KCNQ3: variants seen among roughly 807,000 people sequenced by gnomAD.
KCNQ3 encodes potassium voltage-gated channel subfamily Q member 3.
A neutral mutation model predicts 92.5 loss-of-function variants in KCNQ3; 30 were observed. That is an observed-to-expected ratio of 0.32 (90% confidence interval 0.24 to 0.44). The LOEUF (loss-of-function observed/expected upper bound fraction) is 0.44, where lower values mean the gene tolerates loss of function less well. Ranked by LOEUF, KCNQ3 falls within the 20% of genes least tolerant of loss-of-function variation. The pLI is 1.00. For missense variants in KCNQ3, 913 were observed against 1,140.3 expected, an observed-to-expected ratio of 0.80 and a Z score of 2.87; for synonymous variants, 450 against 468.8, an observed-to-expected ratio of 0.96 and a Z score of 0.52.
At chr8:132,387,994 G>A (rs1053794386) in intron 1 of KCNQ3, among the ~76,000 whole-genome samples, 3 of 147,162 alleles carry the variant, frequency 2.0e-5, no homozygotes, top group Non-Finnish European at 4.5e-5. Context: ...AGAGGAAGAG[G>A]AAGAAGAAGA....
At chr8:132,466,812 A>G (rs760968473) in intron 1 of KCNQ3, among the ~76,000 whole-genome samples, 2 of 152,230 alleles carry the variant, frequency 1.3e-5, no homozygotes, top group Non-Finnish European at 2.9e-5. Flanking sequence ...CACACAGTTT[A>G]CAAAGACGTA....
chr8:132,413,864 G>A (rs956995483), intron 1 of KCNQ3, among the ~76,000 whole-genome samples: 1 of 152,214 alleles, frequency 6.6e-6, no homozygotes, highest in Non-Finnish European at 1.5e-5. Context: ...GCACGTGACT[G>A]GGGAATCCCA....
chr8:132,204,210 ACT>A (rs1813578746), intron 1 of KCNQ3, among the ~76,000 whole-genome samples: 1 of 152,114 alleles, frequency 6.6e-6, no homozygotes, highest in East Asian at 1.9e-4. Flanking sequence ...ACAGGAGGTG[ACT>A]CTGGGCATGT....
chr8:132,421,811 T>C (rs1420418651), intron 1 of KCNQ3, among the ~76,000 whole-genome samples: 1 of 152,134 alleles, frequency 6.6e-6, no homozygotes, highest in Non-Finnish European at 1.5e-5. Context: ...AATTTATCTT[T>C]TAAAACAGAT....
At chr8:132,377,266 G>T (rs141831590) in intron 1 of KCNQ3, among the ~76,000 whole-genome samples, 168 of 152,304 alleles carry the variant, frequency 1.1e-3, no homozygotes, top group African/African-American at 4.0e-3. Context: ...GGACACTCCT[G>T]GTTCTCAGGC....
At chr8:132,410,727 T>G (rs1256019224) in intron 1 of KCNQ3, among the ~76,000 whole-genome samples, 1 of 152,198 alleles carries the variant, frequency 6.6e-6, no homozygotes, top group Non-Finnish European at 1.5e-5. Context: ...TAACAGGAAT[T>G]TGGGATATGC....
At chr8:132,286,845 T>A (rs1816692579) in intron 1 of KCNQ3, among the ~76,000 whole-genome samples, 1 of 152,224 alleles carries the variant, frequency 6.6e-6, no homozygotes, top group Non-Finnish European at 1.5e-5. Flanking sequence ...TTCACAGGAA[T>A]GGATTAGTTC....
At chr8:132,220,267 G>T (rs1814181537) in intron 1 of KCNQ3, among the ~76,000 whole-genome samples, 1 of 152,044 alleles carries the variant, frequency 6.6e-6, no homozygotes, top group South Asian at 2.1e-4. Context: ...TAAGTGTGGG[G>T]GCAGTTACAG....
At chr8:132,261,153 A>G (rs1815773007) in intron 1 of KCNQ3, among the ~76,000 whole-genome samples, 1 of 152,218 alleles carries the variant, frequency 6.6e-6, no homozygotes, top group Non-Finnish European at 1.5e-5. Flanking sequence ...ATATGCAGGC[A>G]ATTCAGCTCT....
At chr8:132,443,345 G>A (rs1821588940) in intron 1 of KCNQ3, among the ~76,000 whole-genome samples, 1 of 150,920 alleles carries the variant, frequency 6.6e-6, no homozygotes, top group Non-Finnish European at 1.5e-5. Context: ...AACCAGGTAA[G>A]CAATCACTTC....
chr8:132,332,035 TG>T (rs2130663390), intron 1 of KCNQ3, among the ~76,000 whole-genome samples: 1 of 152,356 alleles, frequency 6.6e-6, no homozygotes, highest in Non-Finnish European at 1.5e-5. Context: ...TTTAGTGACT[TG>T]CTTATAATGC....
intron 9 of KCNQ3, among the ~76,000 whole-genome samples, chr8:132,156,774 G>GAAAT: frequency 6.6e-6 from 1 of 152,244 alleles, no homozygotes; most frequent in Non-Finnish European, 1.5e-5. Flanking sequence ...ACTTTATTTT[G>GAAAT]AAATAGGGTC....
At chr8:132,321,199 T>G (rs953478008) in intron 1 of KCNQ3, among the ~76,000 whole-genome samples, 2 of 152,212 alleles carry the variant, frequency 1.3e-5, no homozygotes, top group South Asian at 4.1e-4. Flanking sequence ...CAGAAACTCA[T>G]GATGCCCAAT....
chr8:132,425,950 G>A (rs1388875127), intron 1 of KCNQ3, among the ~76,000 whole-genome samples: 1 of 152,264 alleles, frequency 6.6e-6, no homozygotes. Flanking sequence ...CAACATGACA[G>A]TACAAAGGGA....
chr8:132,342,047 C>T (rs771069685), intron 1 of KCNQ3, among the ~76,000 whole-genome samples: 2 of 152,178 alleles, frequency 1.3e-5, no homozygotes, highest in Non-Finnish European at 2.9e-5. Flanking sequence ...CTTAGTTCCA[C>T]TGGGTATTGA....
At chr8:132,327,391 C>T (rs76180167) in intron 1 of KCNQ3, among the ~76,000 whole-genome samples, 4 of 152,098 alleles carry the variant, frequency 2.6e-5, no homozygotes, top group Non-Finnish European at 5.9e-5. Context: ...ATGAAGAAAC[C>T]GAGGCTCAGA....
intron 1 of KCNQ3, among the ~76,000 whole-genome samples, chr8:132,221,566 GT>G (rs1477402006): frequency 6.6e-6 from 1 of 152,214 alleles, no homozygotes; most frequent in African/African-American, 2.4e-5. Flanking sequence ...CTGATGGCCA[GT>G]GATGGTGAGC....
In KCNQ3 at chr8:132,129,952, G is replaced by A. The variant is rs1182980427; in HGVS notation, c.1929C>T (p.His643=). The change falls in exon 15 of 15, where the codon CAC becomes CAT. Residue 643 remains histidine (H), a synonymous_variant. Transcript: ENST00000388996. The surrounding 1 kb of genome is among the most constrained non-coding windows in gnomAD (Gnocchi z 5.9). The part of the protein sequence containing the change: ...GKKLDFLVDM[H]MQHMERLQVQ... ...CCTGCAACCGTTCCATGTGTTGCATGTGCATATCCACGAGGAAGTCCAGCT... is the reference window on the plus strand; with the variant it reads ...CCTGCAACCGTTCCATGTGTTGCATATGCATATCCACGAGGAAGTCCAGCT... 6.2e-6 allele frequency: 10 copies of A among 1,613,964 alleles called. 1 individual carries two copies. In the South Asian group the frequency reaches 9.9e-5, roughly 16 times the overall value.
chr8:132,401,057 A>G (rs1158588315), intron 1 of KCNQ3, among the ~76,000 whole-genome samples: 1 of 152,222 alleles, frequency 6.6e-6, no homozygotes. Context: ...AGGAAGGTCC[A>G]GGCTAGGGTG....
Sources: gnomAD v4.1 joint callset for allele counts (sites outside exome capture counted in the v4.1 genomes callset) on GRCh38, gnomAD v4.1.1 for gene constraint, Gnocchi (gnomAD v3.1) non-coding constraint, MANE v1.5 for transcripts, NCBI Gene and HGNC (gene_info 2026-07-23, HGNC 2026-07-21) for gene names.